Variants in MBD1 observed in about 807,000 individuals in gnomAD.
MBD1 encodes methyl-CpG-binding domain protein 1.
MBD1 carries 25 observed loss-of-function variants against 82.6 expected under a neutral mutation model. That is an observed-to-expected ratio of 0.30 (90% CI 0.22 to 0.42). The LOEUF (loss-of-function observed/expected upper bound fraction) is 0.42. Among genes scored for constraint, MBD1 ranks in the 10% least tolerant of loss-of-function variants. MBD1 has a pLI of 1.00. For missense variants in MBD1, 627 were observed against 819.6 expected (o/e 0.76, Z 2.87); for synonymous variants, 301 against 303.7 (o/e 0.99, Z 0.09).
downstream of MBD1, among the ~76,000 whole-genome samples, chr18:50,268,498 G>A (rs1193181555): frequency 6.6e-6 from 1 of 152,266 alleles, no homozygotes; most frequent in East Asian, 1.9e-4. Flanking sequence ...ACTGGGGTTT[G>A]CGCCGGACGG....
At position 50,269,698 on chromosome 18, in the gene MBD1, G is replaced by C. The variant is rs1399914407; in HGVS notation, c.*153C>G. The C allele has an allele frequency of 2.6e-6, 2 of 779,828 alleles. No homozygotes were observed. The highest frequency in any genetic ancestry group is 1.7e-5 in the Admixed American group (1 of 58,878). The allele number at this position is 779,828 out of a possible 1,614,324, so 48.3% of individuals were successfully genotyped here. Reference sequence around the variant, plus strand: ...ACATCATCGAAGCTGGAGGTGGTGAGAGACTGACATGGGTTCCAGGCCATC... The same window carrying C: ...ACATCATCGAAGCTGGAGGTGGTGACAGACTGACATGGGTTCCAGGCCATC... On this transcript the variant is annotated 3_prime_UTR_variant, in exon 17 of 17. Transcript: ENST00000269468.
At chr18:50,271,673 T>A in intron 15 of MBD1, 133 bp from the exon 16 acceptor site, 1 of 1,005,786 alleles carries the variant, frequency 9.9e-7, no homozygotes, top group Non-Finnish European at 1.5e-6. Context: ...TTTTTTTATA[T>A]CTTCTAAAAA....
At chr18:50,274,098 C>T (rs2036756556) in intron 11 of MBD1, 88 bp downstream of exon 11, 15 of 1,565,280 alleles carry the variant, frequency 9.6e-6, no homozygotes, top group Middle Eastern at 2.1e-4. Context: ...CCCCACCCAC[C>T]CACCTACCAA....
Position 50,276,892 on chromosome 18 carries a change from G to A in MBD1, c.332C>T (p.Ala111Val). 6.2e-7 allele frequency: 1 copy of A among 1,614,238 alleles called. No homozygotes were observed. Among genetic ancestry groups the A allele is most frequent in the Non-Finnish European group, 8.5e-7 (1 of 1,180,050 alleles). ...GTCAGCCTTGGTCTCATCCCTCGGG[G>A]CCTCCTTCCTGACCTCACCACTCTG... The part of the protein sequence containing the change: ...GPQSGEVRKE[A>V]PRDETKADTD... Residue 111 changes from alanine (A) to valine (V), a missense_variant, in exon 4 of 17, where the codon GCC (alanine) becomes GTC (valine). Transcript: ENST00000269468.
Position 50,269,004 on chromosome 18 carries a change from A to C in MBD1, c.*847T>G. ...TTCTATATATTCAGCATTAAATTCC[A>C]TGATAAAGTTGGAAATCCATTCACC... On this transcript the variant is annotated 3_prime_UTR_variant, in exon 17 of 17. Coordinates refer to ENST00000269468, the MANE Select transcript of MBD1 (RefSeq NM_015846.4). The C allele has an allele frequency of 2.0e-6, 2 of 985,578 alleles. No individual in the cohort carries two copies. Among genetic ancestry groups the C allele is most frequent in the Non-Finnish European group, 2.4e-6 (2 of 830,004 alleles). The allele number at this position is 985,578 out of a possible 1,614,324, so 61.1% of individuals were successfully genotyped here. A position where few individuals can be genotyped will look rare whatever the true frequency, so the allele number is the denominator to read the frequency against.
chr18:50,275,820 A>G lies in MBD1; in HGVS notation c.663+15T>C. 2 of 1,614,062 alleles carry G rather than the reference A, an allele frequency of 1.2e-6. No individual in the cohort carries two copies. The highest frequency in any genetic ancestry group is 8.5e-7 in the Non-Finnish European group (1 of 1,179,984). On this transcript the variant is annotated intron_variant, in intron 7 of 16. Transcript: ENST00000269468. The stretch of plus-strand genomic sequence containing the variant: ...CCGAGGTGAGCCTTGGGCTCTTTCC[A>G]CTTGCCCAACTCACCCTTTCCACAA...
Position 50,273,936 on chromosome 18 carries a change from T to G in MBD1, c.1147-73A>C, listed in dbSNP as rs1234320019. 9.0e-6 allele frequency: 14 copies of G among 1,561,792 alleles called. No individual in the cohort carries two copies. The East Asian group carries it at 2.9e-4, about 32-fold the overall frequency. On this transcript the variant is annotated intron_variant, in intron 11 of 16. Coordinates refer to ENST00000269468, the MANE Select transcript of MBD1 (RefSeq NM_015846.4). ...CACATCCACCCTGCCCGGCTCCACATGCCTGCTAATCTCCCATCAGTCCCA... is the reference window on the plus strand; with the variant it reads ...CACATCCACCCTGCCCGGCTCCACAGGCCTGCTAATCTCCCATCAGTCCCA...
At chr18:50,267,811 G>A, downstream of MBD1, 1 of 598,164 alleles carries the variant, frequency 1.7e-6, no homozygotes, top group Non-Finnish European at 3.1e-6. Context: ...TCTTAAGGAC[G>A]CAATTTACTG....
chr18:50,281,686 G>A, upstream of MBD1: 1 of 424,104 alleles, frequency 2.4e-6, no homozygotes, highest in Middle Eastern at 6.0e-4. Flanking sequence ...AGTTGCATCT[G>A]CGTGCTGACG....
At chr18:50,281,694 A>G (rs142148331), upstream of MBD1, 2,789 of 419,824 alleles carry the variant, frequency 6.6e-3, 64 homozygotes, top group African/African-American at 0.049. Flanking sequence ...CTGCGTGCTG[A>G]CGTTCAACGA....
chr18:50,271,610 C>A (rs972292313), intron 15 of MBD1, 70 bp from the exon 16 acceptor site: 1 of 1,517,472 alleles, frequency 6.6e-7, no homozygotes, highest in Non-Finnish European at 9.2e-7. Flanking sequence ...ATTACAAAAC[C>A]ATTTCCTACT....
At chr18:50,274,864 C>T in intron 10 of MBD1, 113 bp downstream of exon 10, 1 of 1,065,802 alleles carries the variant, frequency 9.4e-7, no homozygotes. Context: ...CATCCTAGGA[C>T]CCATTATTGT....
At chr18:50,270,708 G>A in intron 16 of MBD1, 1 of 227,818 alleles carries the variant, frequency 4.4e-6, no homozygotes, top group African/African-American at 2.2e-5. Flanking sequence ...CTGACAAGGT[G>A]ACCCCATCTA....
chr18:50,270,632 G>A (rs112549785), intron 16 of MBD1: 41 of 297,638 alleles, frequency 1.4e-4, no homozygotes, highest in African/African-American at 8.4e-4. Context: ...TATCCTGTAG[G>A]GTTTGAGGAA....
Position 50,272,801 on chromosome 18 carries a change from G to A in MBD1, c.1716+23C>T, listed in dbSNP as rs757934140. 5 of 1,614,112 alleles carry A rather than the reference G, an allele frequency of 3.1e-6. No individual in the cohort carries two copies. In the East Asian group the frequency reaches 6.7e-5, roughly 22 times the overall value. On this transcript the variant is annotated intron_variant, in intron 14 of 16. Transcript: ENST00000269468. ...TGGGGCTACAGCAGGGTCAGGGCAGGGTGGGGCATCCCCAGCACTGACCAC... is the reference window on the plus strand; with the variant it reads ...TGGGGCTACAGCAGGGTCAGGGCAGAGTGGGGCATCCCCAGCACTGACCAC...
rs1453098195 is a variant in MBD1 at position 50,279,996 on chromosome 18, G to A, written c.-4C>T. ...AGTCCAGCCAGTCCTCAGCCATGGA[G>A]GCCACAGGAAGCAGCAGTAGCCTGA... On this transcript the variant is annotated 5_prime_UTR_variant, in exon 2 of 17. Coordinates refer to ENST00000269468, the MANE Select transcript of MBD1 (RefSeq NM_015846.4). The A allele has an allele frequency of 3.7e-6, 6 of 1,607,438 alleles. No homozygotes were observed. The highest frequency in any genetic ancestry group is 2.2e-5 in the East Asian group (1 of 44,892).
At chr18:50,271,070 T>C in intron 16 of MBD1, 1 of 1,023,186 alleles carries the variant, frequency 9.8e-7, no homozygotes, top group Admixed American at 5.0e-5. Context: ...TTTATTCAAT[T>C]ACATTTTCAA....
intron 6 of MBD1, 107 bp downstream of exon 6, chr18:50,276,271 A>C (rs1271956033): frequency 1.7e-6 from 2 of 1,197,812 alleles, no homozygotes; most frequent in African/African-American, 3.0e-5. Context: ...CACCCTATAA[A>C]ATGACTCTTC....
Position 50,273,693 on chromosome 18 carries a change from C to T in MBD1, c.1317G>A (p.Thr439=), listed in dbSNP as rs1193651523. Residue 439 remains threonine, a synonymous_variant, in exon 12 of 17, where the codon ACG becomes ACA. Transcript: ENST00000269468. ...TAQPDHTQAP[T]KQEAGGGFVL... ...CAAAGCCACCACCTGCTTCCTGCTT[C>T]GTTGGAGCCTGGGTATGGTCTGGTT... The T allele has an allele frequency of 9.9e-6, 16 of 1,614,118 alleles. No individual in the cohort carries two copies. The highest frequency in any genetic ancestry group is 1.7e-5 in the Admixed American group (1 of 60,026).
Sources: gnomAD v4.1 joint callset for allele counts (sites outside exome capture counted in the v4.1 genomes callset) on GRCh38, gnomAD v4.1.1 for gene constraint, MANE v1.5 for transcripts, NCBI Gene and HGNC (gene_info 2026-07-23, HGNC 2026-07-21) for gene names.